DNHD1: variants seen among roughly 807,000 people sequenced by gnomAD.
The protein encoded by DNHD1 is dynein heavy chain domain 1.
In DNHD1, 383 loss-of-function variants were observed where a neutral mutation model predicts 458.1. That is an observed-to-expected ratio of 0.84 (90% CI 0.77 to 0.91). DNHD1 has a LOEUF of 0.91. DNHD1 is among the 40% of genes least tolerant of loss of function. The pLI is 0.00. For synonymous variants in DNHD1, 2,203 were observed against 2,376.9 expected, an observed-to-expected ratio of 0.93 and a Z score of 2.13; for missense variants, 5,336 against 5,866.1, an observed-to-expected ratio of 0.91 and a Z score of 2.95.
At chr11:6,527,291 A>G (rs1852730216) in intron 10 of DNHD1, among the ~76,000 whole-genome samples, 1 of 152,222 alleles carries the variant, frequency 6.6e-6, no homozygotes, top group Non-Finnish European at 1.5e-5. Flanking sequence ...GGCTTTTGCA[A>G]TAATGCAGTA....
chr11:6,511,512 C>T lies in DNHD1; in HGVS notation c.1392+83C>T, dbSNP rs904390644. 2.0e-5 allele frequency: 30 copies of T among 1,532,752 alleles called. No homozygotes were observed. The African/African-American group carries it at 4.0e-4, about 20-fold the overall frequency. The allele number at this position is 1,532,752 out of a possible 1,614,324, so 94.9% of individuals were successfully genotyped here. ...CAGCCTCCTCTTAGTTAAGTTTCTC[C>T]TGGAATCCACTGTATGACCTGGACT... On this transcript the variant is annotated intron_variant, in intron 7 of 42. Transcript: ENST00000254579.
At chr11:6,503,893 T>G (rs532584040) in intron 4 of DNHD1, 5 of 152,344 alleles carry the variant, frequency 3.3e-5, no homozygotes, top group African/African-American at 1.2e-4. Flanking sequence ...AATAAACTCA[T>G]GACATGTGTT....
At chr11:6,566,802 T>C (rs1481184525) in intron 35 of DNHD1, 37 bp downstream of exon 35, 4 of 1,602,522 alleles carry the variant, frequency 2.5e-6, no homozygotes, top group Non-Finnish European at 3.4e-6. Flanking sequence ...GAGATGAGCA[T>C]TGGATGGACC....
chr11:6,566,733 C>T lies in DNHD1; in HGVS notation c.11353C>T (p.Leu3785=), dbSNP rs1429544961. 1.9e-6 allele frequency: 3 copies of T among 1,611,464 alleles called. No homozygotes were observed. In the South Asian group the frequency reaches 3.3e-5, roughly 18 times the overall value. ...TRWQDLKIRA[L]DTCKAVEAAE... ...CTGGCAGGACCTAAAGATCAGAGCC[C>T]TAGATACCTGCAAGGCTGTGGAGGC... Residue 3785 remains leucine, a synonymous_variant, in exon 35 of 43, where the codon CTA becomes TTA. Coordinates refer to ENST00000254579, the MANE Select transcript of DNHD1 (RefSeq NM_144666.3).
intron 10 of DNHD1, among the ~76,000 whole-genome samples, chr11:6,525,177 C>A (rs1442542443): frequency 6.6e-6 from 1 of 152,146 alleles, no homozygotes; most frequent in Non-Finnish European, 1.5e-5. Context: ...GCAAGGTTAA[C>A]AAGAGAGCTC....
chr11:6,565,530 C>G (rs2134457281), intron 32 of DNHD1, among the ~76,000 whole-genome samples, 165 bp from the exon 33 acceptor site: 1 of 152,252 alleles, frequency 6.6e-6, no homozygotes, highest in Non-Finnish European at 1.5e-5. Context: ...TAATATCAAC[C>G]CCATTTTGCA....
At chr11:6,512,202 T>A (rs1471207952) in intron 7 of DNHD1, among the ~76,000 whole-genome samples, 1 of 139,092 alleles carries the variant, frequency 7.2e-6, no homozygotes, top group Non-Finnish European at 1.5e-5. Context: ...ATTTCTTTTC[T>A]TTTTCTTTCT....
At chr11:6,516,881 C>G (rs1158967212) in intron 7 of DNHD1, among the ~76,000 whole-genome samples, 1 of 152,164 alleles carries the variant, frequency 6.6e-6, no homozygotes, top group African/African-American at 2.4e-5. Flanking sequence ...CTTCCCATTA[C>G]TCTTATATTG....
chr11:6,546,506 C>A lies in DNHD1; in HGVS notation c.5567C>A (p.Ser1856Tyr). The A allele has an allele frequency of 6.4e-7, 1 of 1,551,122 alleles. No individual in the cohort carries two copies. The highest frequency in any genetic ancestry group is 2.0e-5 in the Admixed American group (1 of 51,006). Reference protein sequence around the residue: ...RDAFQMATRLSKFFSLERELV... With the variant: ...RDAFQMATRLYKFFSLERELV... ...GCCTTCCAGATGGCTACCCGCCTAT[C>A]CAAATTCTTCTCTCTAGAGCGTGAG... Residue 1856 changes from serine (S) to tyrosine (Y), a missense_variant, in exon 21 of 43, where the codon TCC (serine) becomes TAC (tyrosine). Ser to Tyr is a moderately radical substitution (Grantham distance 144). Around this residue, in one of 4 missense-constraint regions of DNHD1, gnomAD observed 3,932 missense variants for 4,365.6 expected, o/e 0.90. Transcript: ENST00000254579.
At chr11:6,537,350 G>A (rs1176394098) in intron 14 of DNHD1, among the ~76,000 whole-genome samples, 8 of 151,998 alleles carry the variant, frequency 5.3e-5, no homozygotes, top group East Asian at 1.9e-4. Context: ...CAGTTCATTC[G>A]CTCATTCATT....
Position 6,565,902 on chromosome 11 carries a change from A to G in DNHD1, c.10964A>G (p.Glu3655Gly). The change falls in exon 33 of 43, where the codon GAG becomes GGG. Residue 3655 changes from glutamate to glycine, a missense_variant. By Grantham distance (98) the Glu-to-Gly change is moderately conservative. This residue lies in a region of DNHD1 where 695 missense variants were observed against 804.2 expected (regional missense o/e 0.86). Coordinates refer to ENST00000254579, the MANE Select transcript of DNHD1 (RefSeq NM_144666.3). ...TESQGSKPAYETQLPSLPYLS... is the reference protein window; with the variant it reads ...TESQGSKPAYGTQLPSLPYLS... Reference sequence around the variant, plus strand: ...AGCCAGGGGTCAAAGCCAGCCTATGAGACTCAGCTTCCATCCCTTCCCTAC... The same window carrying G: ...AGCCAGGGGTCAAAGCCAGCCTATGGGACTCAGCTTCCATCCCTTCCCTAC... 1.3e-6 allele frequency: 2 copies of G among 1,551,680 alleles called. No homozygotes were observed. Among genetic ancestry groups the G allele is most frequent in the Non-Finnish European group, 1.7e-6 (2 of 1,146,990 alleles).
intron 7 of DNHD1, among the ~76,000 whole-genome samples, chr11:6,513,920 T>C (rs923054390): frequency 2.0e-5 from 3 of 152,250 alleles, no homozygotes; most frequent in Admixed American, 2.0e-4. Flanking sequence ...CTTGGCTCAC[T>C]GCAAGCTCTG....
chr11:6,509,747 G>A (rs1042642076), intron 6 of DNHD1, among the ~76,000 whole-genome samples: 1 of 151,658 alleles, frequency 6.6e-6, no homozygotes, highest in Non-Finnish European at 1.5e-5. Context: ...CCTATTTTCA[G>A]TATTTCCTTG....
At chr11:6,561,574 C>T (rs906498711) in intron 28 of DNHD1, among the ~76,000 whole-genome samples, 1 of 152,166 alleles carries the variant, frequency 6.6e-6, no homozygotes, top group Non-Finnish European at 1.5e-5. Context: ...CGTGTTATAA[C>T]AGAGTAAGTT....
intron 41 of DNHD1, 110 bp downstream of exon 41, chr11:6,570,506 T>G: frequency 6.8e-7 from 1 of 1,480,476 alleles, no homozygotes; most frequent in South Asian, 1.4e-5. Context: ...GGGGGTAATA[T>G]TCATACTGTT....
At chr11:6,513,151 C>T (rs575250592) in intron 7 of DNHD1, among the ~76,000 whole-genome samples, 1 of 152,194 alleles carries the variant, frequency 6.6e-6, no homozygotes, top group South Asian at 2.1e-4. Context: ...CCTCTCAGTT[C>T]CTCAATCCCA....
chr11:6,560,349 T>C (rs558127584), intron 28 of DNHD1, among the ~76,000 whole-genome samples: 7 of 152,190 alleles, frequency 4.6e-5, no homozygotes, highest in African/African-American at 9.7e-5. Flanking sequence ...TCTACTAATA[T>C]GGTTTTCACT....
chr11:6,566,563 A>C, intron 34 of DNHD1, 24 bp from the exon 35 acceptor site: 1 of 1,612,302 alleles, frequency 6.2e-7, no homozygotes. Context: ...GGAAGAGGTT[A>C]AGCATCTCCC....
At position 6,571,416 on chromosome 11, in the gene DNHD1, A is replaced by G. The variant is rs777939275; in HGVS notation, c.13904A>G (p.His4635Arg). The G allele has an allele frequency of 6.3e-7, 1 of 1,592,238 alleles. No individual in the cohort carries two copies. Among genetic ancestry groups the G allele is most frequent in the Non-Finnish European group, 8.6e-7 (1 of 1,164,934 alleles). ...CTGGAGATGAACAGCAACCCTCTGCACTTCAGGGTATCTTCGCGCCGCCCC... is the reference window on the plus strand; with the variant it reads ...CTGGAGATGAACAGCAACCCTCTGCGCTTCAGGGTATCTTCGCGCCGCCCC... Reference protein sequence around the residue: ...KRLEMNSNPLHFRVENGPNPT... With the variant: ...KRLEMNSNPLRFRVENGPNPT... Residue 4635 changes from histidine (H) to arginine (R), a missense_variant, in exon 42 of 43, where the codon CAC becomes CGC. By Grantham distance (29) the His-to-Arg change is conservative. Around this residue, in one of 4 missense-constraint regions of DNHD1, gnomAD observed 698 missense variants for 664.9 expected, o/e 1.05. Transcript: ENST00000254579. This position sits in a 1 kb window ranked among gnomAD's most constrained non-coding sequence, Gnocchi z 5.0.
Sources: allele counts gnomAD v4.1 joint callset (sites outside exome capture counted in the v4.1 genomes callset), GRCh38; gene constraint gnomAD v4.1.1; regional missense constraint gnomAD v4.1.1; non-coding constraint Gnocchi (gnomAD v3.1); transcripts MANE v1.5; gene names NCBI Gene and HGNC (gene_info 2026-07-23, HGNC 2026-07-21).